Variants in NSMAF observed in about 807,000 individuals in gnomAD.
The protein encoded by NSMAF is protein FAN.
Under a neutral mutation model 134.9 loss-of-function variants are expected in NSMAF, and 90 were observed. The observed-to-expected ratio is 0.67, with a 90% confidence interval of 0.56 to 0.79. NSMAF has a LOEUF of 0.79. Ranked by LOEUF, NSMAF falls within the 30% of genes least tolerant of loss-of-function variation. The pLI, the probability that NSMAF is intolerant of heterozygous loss-of-function variation, is 0.00. For synonymous variants in NSMAF, 358 were observed against 389.6 expected, an observed-to-expected ratio of 0.92 and a Z score of 0.96; for missense variants, 1,010 against 1,119.0, an observed-to-expected ratio of 0.90 and a Z score of 1.39.
At chr8:58,591,082 G>A in intron 23 of NSMAF, 148 bp from the exon 24 acceptor site, 2 of 900,610 alleles carry the variant, frequency 2.2e-6, no homozygotes, top group South Asian at 3.8e-5. Flanking sequence ...TGTAAACAGA[G>A]CTAGATGACC....
rs754241882 is a variant in NSMAF, at chr8:58,584,232, G to C, written c.2660-32C>G. On this transcript the variant is annotated intron_variant, in intron 30 of 30. Coordinates refer to ENST00000038176, the MANE Select transcript of NSMAF (RefSeq NM_003580.4). ...GAAAGACATTTTGGTTAGTTAGGAA[G>C]TTGACCAGGAGGCACCCAAAGATAA... 198 of 1,547,590 alleles carry C rather than the reference G, an allele frequency of 1.3e-4. No individual in the cohort carries two copies. In the Middle Eastern group the frequency reaches 1.8e-3, roughly 14 times the overall value.
Position 58,586,426 on chromosome 8 carries a change from G to A in NSMAF, c.2446+32C>T, listed in dbSNP as rs761936965. 9.6e-6 allele frequency: 15 copies of A among 1,560,004 alleles called. No individual in the cohort carries two copies. In the African/African-American group the frequency reaches 2.4e-4, roughly 25 times the overall value. ...TTATTTCAAAATTCCAATTTACCTA[G>A]TATTATCTGTTTTAAAAAGGATAAT... is the stretch of plus-strand genomic sequence containing the variant. On this transcript the variant is annotated intron_variant, in intron 28 of 30. Transcript: ENST00000038176.
chr8:58,640,553 TGGAAA>T (rs1220996452), intron 2 of NSMAF, among the ~76,000 whole-genome samples: 8 of 133,028 alleles, frequency 6.0e-5, no homozygotes, highest in Non-Finnish European at 1.3e-4. Context: ...ATATTGCAAC[TGGAAA>T]AGTTTACAAT....
intron 6 of NSMAF, among the ~76,000 whole-genome samples, chr8:58,627,083 A>C (rs1806949802): frequency 6.6e-6 from 1 of 151,918 alleles, no homozygotes; most frequent in Non-Finnish European, 1.5e-5. Context: ...GATTTGTTTG[A>C]GGTTCCTCGT....
intron 1 of NSMAF, chr8:58,659,310 C>T (rs1055208668): frequency 7.5e-5 from 115 of 1,526,360 alleles, no homozygotes; most frequent in Non-Finnish European, 9.3e-5. Flanking sequence ...GCTCGGCATG[C>T]CTCGGCTCCG....
rs1251832518 is a variant in NSMAF, at chr8:58,602,055, T to C, written c.1125+3A>G. 3 of 1,609,942 alleles carry C rather than the reference T, an allele frequency of 1.9e-6. No individual in the cohort carries two copies. The highest frequency in any genetic ancestry group is 8.5e-7 in the Non-Finnish European group (1 of 1,176,666). On this transcript the variant is annotated splice_donor_region_variant and intron_variant, in intron 14 of 30. Transcript: ENST00000038176. ...GAAACCAAGAATCTCTAAGTCCACATACCAGTAGTCTCTCCAGCCGTTCCT... is the reference window on the plus strand; with the variant it reads ...GAAACCAAGAATCTCTAAGTCCACACACCAGTAGTCTCTCCAGCCGTTCCT...
chr8:58,599,169 T>C, intron 19 of NSMAF, 63 bp downstream of exon 19: 3 of 1,474,600 alleles, frequency 2.0e-6, no homozygotes, highest in Non-Finnish European at 2.8e-6. Context: ...CATTTTCCAA[T>C]GAAAATGAAT....
rs1806082532 is a variant in NSMAF at position 58,594,248 on chromosome 8, T to C, written c.1935A>G (p.Val645=). The stretch of plus-strand genomic sequence containing the variant: ...AACACTGACCTTGGGATGTTGTGAA[T>C]ACTGAAGATCCATTGCGAGAGACCG... ...GITVSRNGSS[V]FTTSQDSTLK... is the part of the protein sequence containing the mutation. Residue 645 remains valine (V), a synonymous_variant, in exon 23 of 31, where the codon GTA becomes GTG. Coordinates refer to ENST00000038176, the MANE Select transcript of NSMAF (RefSeq NM_003580.4). 5 of 1,614,096 alleles carry C rather than the reference T, an allele frequency of 3.1e-6. No individual in the cohort carries two copies. The African/African-American group carries it at 6.7e-5, about 22-fold the overall frequency.
intron 1 of NSMAF, among the ~76,000 whole-genome samples, chr8:58,653,566 T>A (rs1158624336): frequency 1.3e-5 from 2 of 151,758 alleles, no homozygotes; most frequent in Non-Finnish European, 2.9e-5. Flanking sequence ...GAAAAAAAAT[T>A]ACTAGAAGTA....
intron 1 of NSMAF, chr8:58,659,161 T>C: frequency 7.1e-7 from 1 of 1,404,878 alleles, no homozygotes; most frequent in Non-Finnish European, 9.2e-7. Flanking sequence ...GGGGAAGGAT[T>C]AGAAAGGGGG....
intron 30 of NSMAF, 75 bp from the exon 31 acceptor site, chr8:58,584,275 A>T: frequency 2.9e-6 from 3 of 1,026,652 alleles, no homozygotes; most frequent in Non-Finnish European, 4.5e-6. Context: ...TCTGATGCTT[A>T]CTCTTGCTTT....
intron 9 of NSMAF, among the ~76,000 whole-genome samples, chr8:58,619,689 C>T (rs1806738525): frequency 6.6e-6 from 1 of 151,862 alleles, no homozygotes; most frequent in Non-Finnish European, 1.5e-5. Flanking sequence ...TTTATAATAC[C>T]ATCACAAATA....
intron 9 of NSMAF, among the ~76,000 whole-genome samples, chr8:58,610,234 T>A (rs1377487254): frequency 6.6e-6 from 1 of 152,194 alleles, no homozygotes; most frequent in Non-Finnish European, 1.5e-5. Context: ...CCTCTGTGAA[T>A]TTACTGCAGA....
intron 7 of NSMAF, 37 bp from the exon 8 acceptor site, chr8:58,623,461 T>C (rs1468715576): frequency 6.3e-6 from 10 of 1,587,860 alleles, no homozygotes; most frequent in Non-Finnish European, 8.6e-6. Context: ...TTATTTTTTC[T>C]CTCAGATGAT....
chr8:58,649,640 A>G (rs1585766594), intron 1 of NSMAF, among the ~76,000 whole-genome samples: 2 of 152,138 alleles, frequency 1.3e-5, no homozygotes, highest in Non-Finnish European at 2.9e-5. Context: ...CCTTGGTAAT[A>G]AGTGAGTTCA....
chr8:58,610,928 A>C (rs1806516093), intron 9 of NSMAF, among the ~76,000 whole-genome samples: 1 of 152,176 alleles, frequency 6.6e-6, no homozygotes, highest in African/African-American at 2.4e-5. Context: ...TGTTGGCTTA[A>C]ATTTAACCAC....
At chr8:58,608,584 T>C (rs1335901096) in intron 10 of NSMAF, among the ~76,000 whole-genome samples, 1 of 151,914 alleles carries the variant, frequency 6.6e-6, no homozygotes. Context: ...TGGGAAGGGG[T>C]AAAGGCCCAT....
chr8:58,643,806 C>T (rs1807386496), intron 1 of NSMAF, among the ~76,000 whole-genome samples: 1 of 152,184 alleles, frequency 6.6e-6, no homozygotes, highest in African/African-American at 2.4e-5. Context: ...GCTGGGATTA[C>T]AAGCATGAGC....
chr8:58,617,087 T>C (rs73250339), intron 9 of NSMAF, among the ~76,000 whole-genome samples: 7,606 of 152,248 alleles, frequency 0.05, 457 homozygotes, highest in African/African-American at 0.14. Context: ...CTGTTCTTCT[T>C]AAATCTACAA....
Sources: gnomAD v4.1 joint callset for allele counts (sites outside exome capture counted in the v4.1 genomes callset) on GRCh38, gnomAD v4.1.1 for gene constraint, MANE v1.5 for transcripts, NCBI Gene and HGNC (gene_info 2026-07-23, HGNC 2026-07-21) for gene names.